SPEN: variants seen among roughly 807,000 people sequenced by gnomAD.
The protein encoded by SPEN is msx2-interacting protein.
SPEN carries 18 observed loss-of-function variants against 269.9 expected under a neutral mutation model. The ratio of observed to expected loss-of-function variants is 0.07; its 90% CI spans 0.05 to 0.10. The LOEUF is 0.10. SPEN is among the 10% of genes least tolerant of loss of function. The probability of loss-of-function intolerance (pLI) is 1.00; values close to 1 mark genes in which losing one functional copy is unlikely to be tolerated. For synonymous variants in SPEN, 1,726 were observed against 1,765.7 expected (o/e 0.98, Z 0.56); for missense variants, 3,822 against 4,631.2 (o/e 0.83, Z 5.07).
intron 1 of SPEN, among the ~76,000 whole-genome samples, chr1:15,852,605 C>T (rs1269202190): frequency 6.6e-6 from 1 of 152,070 alleles, no homozygotes; most frequent in Non-Finnish European, 1.5e-5. Context: ...GTGGAGGGCA[C>T]CTTTTTCTAA....
chr1:15,936,026 C>T lies in SPEN; in HGVS notation c.9786C>T (p.Ala3262=), dbSNP rs1193543775. Residue 3262 remains alanine, a synonymous_variant, in exon 11 of 15, where the codon GCC becomes GCT. Coordinates refer to ENST00000375759, the MANE Select transcript of SPEN (RefSeq NM_015001.3). ...VPVPLPAPAP[A]PHGEARILTV... is the part of the protein sequence containing the mutation. ...TCCCCCTTCCTGCCCCTGCTCCTGCCCCTCATGGTGAGGCCCGTATCCTCA... is the reference window on the plus strand; with the variant it reads ...TCCCCCTTCCTGCCCCTGCTCCTGCTCCTCATGGTGAGGCCCGTATCCTCA... The T allele has an allele frequency of 1.3e-6, 2 of 1,591,644 alleles. No individual in the cohort carries two copies. Among genetic ancestry groups the T allele is most frequent in the Non-Finnish European group, 1.7e-6 (2 of 1,166,906 alleles).
At chr1:15,850,161 A>G (rs1421672076) in intron 1 of SPEN, among the ~76,000 whole-genome samples, 1 of 152,146 alleles carries the variant, frequency 6.6e-6, no homozygotes. Flanking sequence ...TGTGGGAATC[A>G]GCAGAGCCGA....
intron 1 of SPEN, among the ~76,000 whole-genome samples, chr1:15,849,417 T>G (rs1335743775): frequency 6.6e-6 from 1 of 152,216 alleles, no homozygotes; most frequent in Non-Finnish European, 1.5e-5. Context: ...GGATCATTGA[T>G]TGTGTTGGTG....
At chr1:15,918,604 G>A (rs1557754896) in intron 6 of SPEN, among the ~76,000 whole-genome samples, 1 of 152,196 alleles carries the variant, frequency 6.6e-6, no homozygotes, top group South Asian at 2.1e-4. Flanking sequence ...TCATTAAATA[G>A]CCTGCCTTTT....
At chr1:15,910,823 G>A (rs1432366417) in intron 4 of SPEN, among the ~76,000 whole-genome samples, 1 of 151,948 alleles carries the variant, frequency 6.6e-6, no homozygotes, top group African/African-American at 2.4e-5. Context: ...TCTCGAAACC[G>A]TGTTTTTAGA....
In SPEN at chr1:15,873,920, G is replaced by A. The variant is rs114276836; in HGVS notation, c.404+784G>A. On this transcript the variant is annotated intron_variant, in intron 2 of 14. Transcript: ENST00000375759. ...TATATCATTTCTTAAGCAAGTTGCT[G>A]TCCAATCAAAGGTACTTTAGCTTTG... 3.8e-5 allele frequency: 44 copies of A among 1,144,920 alleles called. No individual in the cohort carries two copies. In the African/African-American group the frequency reaches 6.6e-4, roughly 17 times the overall value. The allele number at this position is 1,144,920 out of a possible 1,614,324, so 70.9% of individuals were successfully genotyped here.
intron 3 of SPEN, among the ~76,000 whole-genome samples, chr1:15,898,361 C>T (rs1052485732): frequency 4.6e-5 from 7 of 151,930 alleles, no homozygotes; most frequent in Non-Finnish European, 8.8e-5. Flanking sequence ...AATAATAACT[C>T]CCAATTCTCC....
chr1:15,911,471 T>TA (rs1425029345), intron 5 of SPEN, among the ~76,000 whole-genome samples, 170 bp downstream of exon 5: 1 of 152,198 alleles, frequency 6.6e-6, no homozygotes, highest in Admixed American at 6.5e-5. Context: ...TTGTTCAACT[T>TA]AATAAAAAAC....
At chr1:15,908,742 A>G (rs1416745729) in intron 3 of SPEN, among the ~76,000 whole-genome samples, 1 of 152,152 alleles carries the variant, frequency 6.6e-6, no homozygotes. Context: ...ACCCTGTGAT[A>G]TAGGTACTAT....
intron 3 of SPEN, among the ~76,000 whole-genome samples, chr1:15,890,558 GTT>G (rs1174783667): frequency 8.5e-5 from 11 of 129,746 alleles, no homozygotes; most frequent in African/African-American, 9.0e-5. Flanking sequence ...TTTGACTCAG[GTT>G]TTTTTTTTTT....
rs749477752 is a variant in SPEN at position 15,872,926 on chromosome 1, C to T, written c.194C>T (p.Ser65Leu). 8 of 1,606,338 alleles carry T rather than the reference C, an allele frequency of 5.0e-6. No homozygotes were observed. The highest frequency in any genetic ancestry group is 1.3e-5 in the African/African-American group (1 of 74,792). ...DIKSAQKAHN[S>L]VNKMGDRDLR... ...AAAAGTGCACAGAAAGCTCACAACT[C>T]GGTCAACAAAATGGGTGACAGAGAC... The change falls in exon 2 of 15, where the codon TCG becomes TTG. Residue 65 changes from serine (S) to leucine (L), a missense_variant. By Grantham distance (145) the Ser-to-Leu change is moderately radical. Transcript: ENST00000375759.
intron 3 of SPEN, among the ~76,000 whole-genome samples, chr1:15,887,574 C>T (rs866304626): frequency 5.3e-5 from 8 of 150,526 alleles, no homozygotes; most frequent in African/African-American, 1.9e-4. Context: ...GGATTACAGG[C>T]GTGAGCCACT....
intron 3 of SPEN, among the ~76,000 whole-genome samples, chr1:15,897,712 T>C (rs966796463): frequency 4.6e-5 from 7 of 151,946 alleles, no homozygotes; most frequent in South Asian, 2.1e-4. Flanking sequence ...TTGGTCAGGA[T>C]GGTCTCAAAC....
intron 1 of SPEN, among the ~76,000 whole-genome samples, chr1:15,863,714 G>A (rs2070469739): frequency 6.6e-6 from 1 of 151,730 alleles, no homozygotes; most frequent in Admixed American, 6.6e-5. Flanking sequence ...GGTGGTGCCT[G>A]CCTGTAGTCC....
chr1:15,936,239 G>A lies in SPEN; in HGVS notation c.9999G>A (p.Leu3333=). ...TTCCCGCCGCTTCCTCTGTTGGCCT[G>A]CCTTCCCGGACCAAGACAGCTGCTC... The part of the protein sequence containing the change: ...TQFPAASSVG[L]PSRTKTAAQG... The change falls in exon 11 of 15, where the codon CTG becomes CTA. Residue 3333 remains leucine, a synonymous_variant. Transcript: ENST00000375759. The A allele has an allele frequency of 6.4e-7, 1 of 1,555,064 alleles. No individual in the cohort carries two copies. The highest frequency in any genetic ancestry group is 8.8e-7 in the Non-Finnish European group (1 of 1,142,676).
intron 3 of SPEN, among the ~76,000 whole-genome samples, chr1:15,885,164 A>T (rs2070725184): frequency 6.6e-6 from 1 of 152,092 alleles, no homozygotes; most frequent in South Asian, 2.1e-4. Context: ...TAATTTCTGG[A>T]TTCAGTGGTA....
chr1:15,926,370 C>T (rs182785502), intron 10 of SPEN, among the ~76,000 whole-genome samples: 3 of 149,498 alleles, frequency 2.0e-5, no homozygotes, highest in African/African-American at 7.5e-5. Flanking sequence ...TGCACTCCAG[C>T]TCAGATATAT....
At position 15,939,483 on chromosome 1, in the gene SPEN, A is replaced by G; in HGVS notation, c.*56A>G. 1 of 1,481,040 alleles carries G rather than the reference A, an allele frequency of 6.8e-7. No individual in the cohort carries two copies. Among genetic ancestry groups the G allele is most frequent in the South Asian group, 1.4e-5 (1 of 71,712 alleles). 91.7% of individuals were successfully genotyped at this position (1,481,040 alleles called of 1,614,324 possible). On this transcript the variant is annotated 3_prime_UTR_variant, in exon 15 of 15. Coordinates refer to ENST00000375759, the MANE Select transcript of SPEN (RefSeq NM_015001.3). This position sits in a 1 kb window ranked among gnomAD's most constrained non-coding sequence, Gnocchi z 4.1. Reference sequence around the variant, plus strand: ...TTCCCAGGGCTCTGCAGTAAAAACAAAGGACAACCCAGCCAAGCAGAGGAA... The same window carrying G: ...TTCCCAGGGCTCTGCAGTAAAAACAGAGGACAACCCAGCCAAGCAGAGGAA...
At chr1:15,914,294 T>G (rs144484498) in intron 5 of SPEN, among the ~76,000 whole-genome samples, 11 of 152,340 alleles carry the variant, frequency 7.2e-5, no homozygotes, top group South Asian at 4.1e-4. Flanking sequence ...ATACCAGTGT[T>G]GTTGACATTA....
Sources: allele counts gnomAD v4.1 joint callset (sites outside exome capture counted in the v4.1 genomes callset), GRCh38; gene constraint gnomAD v4.1.1; non-coding constraint Gnocchi (gnomAD v3.1); transcripts MANE v1.5; gene names NCBI Gene and HGNC (gene_info 2026-07-23, HGNC 2026-07-21).